JARID2: variants seen among roughly 807,000 people sequenced by gnomAD.
JARID2 encodes jumonji and AT-rich interaction domain containing 2, also known as protein Jumonji.
Under a neutral mutation model 125.6 loss-of-function variants are expected in JARID2, and 21 were observed. The ratio of observed to expected loss-of-function variants is 0.17; its 90% confidence interval spans 0.12 to 0.24. The LOEUF (loss-of-function observed/expected upper bound fraction) is 0.24. JARID2 is among the 10% of genes least tolerant of loss of function. The pLI is 1.00. For missense variants in JARID2, 1,303 were observed against 1,639.6 expected (o/e 0.79, Z 3.55); for synonymous variants, 736 against 661.6 (o/e 1.11, Z -1.73).
At position 15,507,523 on chromosome 6, in the gene JARID2, C is replaced by T. The variant is rs766422742; in HGVS notation, c.2731+107C>T. 533 of 838,218 alleles carry T rather than the reference C, an allele frequency of 6.4e-4. 2 individuals carry two copies. Among genetic ancestry groups the T allele is most frequent in the African/African-American group, 2.2e-3 (129 of 58,928 alleles). The allele number at this position is 838,218 out of a possible 1,614,324, so 51.9% of individuals were successfully genotyped here. A position where few individuals can be genotyped will look rare whatever the true frequency, so the allele number is the denominator to read the frequency against. On this transcript the variant is annotated intron_variant, in intron 11 of 17. Coordinates refer to ENST00000341776, the MANE Select transcript of JARID2 (RefSeq NM_004973.4). ...TCTAAGCACTGCCGGGGAGGGATGGCGTCTTCAGGCTTACAGGACATACAG... is the reference window on the plus strand; with the variant it reads ...TCTAAGCACTGCCGGGGAGGGATGGTGTCTTCAGGCTTACAGGACATACAG...
intron 7 of JARID2, among the ~76,000 whole-genome samples, chr6:15,500,506 A>G (rs544036858): frequency 5.3e-5 from 8 of 151,824 alleles, no homozygotes; most frequent in African/African-American, 1.4e-4. Flanking sequence ...ACCCCTACCC[A>G]CTCCTCACCA....
chr6:15,299,517 G>T (rs568978139), intron 1 of JARID2, among the ~76,000 whole-genome samples: 3 of 152,308 alleles, frequency 2.0e-5, no homozygotes, highest in African/African-American at 4.8e-5. Flanking sequence ...CTGTAGGAAG[G>T]AATTTATAGT....
chr6:15,374,589 C>T lies in JARID2; in HGVS notation c.181+337C>T, dbSNP rs75164578. ...AATGTGGAGTCTTTAGTTCTTGTCCCCGGGTTGTATAGGAAATAGCCTAAA... is the reference window on the plus strand; with the variant it reads ...AATGTGGAGTCTTTAGTTCTTGTCCTCGGGTTGTATAGGAAATAGCCTAAA... On this transcript the variant is annotated intron_variant, in intron 2 of 17. Coordinates refer to ENST00000341776, the MANE Select transcript of JARID2 (RefSeq NM_004973.4). Among the ~76,000 whole-genome samples the T allele has an allele frequency of 7.5e-3, 1,145 of 152,250 alleles. 15 individuals are homozygous for T. Among genetic ancestry groups the T allele is most frequent in the African/African-American group, 0.026 (1,085 of 41,544 alleles).
At chr6:15,392,676 G>T (rs1380008107) in intron 2 of JARID2, among the ~76,000 whole-genome samples, 1 of 134,916 alleles carries the variant, frequency 7.4e-6, no homozygotes, top group Non-Finnish European at 1.5e-5. Flanking sequence ...TTGTGATTAA[G>T]AGACTTTTTT....
intron 1 of JARID2, among the ~76,000 whole-genome samples, chr6:15,258,761 A>G (rs777274103): frequency 6.6e-6 from 1 of 152,206 alleles, no homozygotes; most frequent in African/African-American, 2.4e-5. Context: ...CAGCCTGGGC[A>G]ACAGAGTAAG....
At chr6:15,248,391 C>A (rs1373362262) in intron 1 of JARID2, 2 of 126,976 alleles carry the variant, frequency 1.6e-5, no homozygotes, top group East Asian at 2.5e-4. Flanking sequence ...GCGGGGGTGG[C>A]GCGGCCTGCG....
intron 1 of JARID2, among the ~76,000 whole-genome samples, chr6:15,299,688 G>T (rs769350635): frequency 2.6e-5 from 4 of 152,054 alleles, no homozygotes; most frequent in Admixed American, 1.3e-4. Flanking sequence ...GAGTTTGGGC[G>T]CCACACAGAT....
intron 1 of JARID2, among the ~76,000 whole-genome samples, chr6:15,268,585 A>T (rs1308729966): frequency 2.0e-5 from 3 of 152,200 alleles, no homozygotes; most frequent in Non-Finnish European, 4.4e-5. Flanking sequence ...GGGGGTGGCA[A>T]TCGCTGAAGC....
Position 15,393,853 on chromosome 6 carries a change from T to C in JARID2, c.182-16371T>C, listed in dbSNP as rs181824818. ...ACGTTAGCAGGATATAAAAGGCACA[T>C]ATTTTGAGAAAGACGCAAAACTGCT... On this transcript the variant is annotated intron_variant, in intron 2 of 17. Coordinates refer to ENST00000341776, the MANE Select transcript of JARID2 (RefSeq NM_004973.4). 3.8e-3 allele frequency among the ~76,000 whole-genome samples: 577 copies of C among 152,278 alleles called. 4 individuals are homozygous for C. Among genetic ancestry groups the C allele is most frequent in the African/African-American group, 0.013 (557 of 41,546 alleles).
At chr6:15,481,798 T>C (rs1769629174) in intron 5 of JARID2, among the ~76,000 whole-genome samples, 1 of 152,196 alleles carries the variant, frequency 6.6e-6, no homozygotes, top group Non-Finnish European at 1.5e-5. Flanking sequence ...GTTTTTAATT[T>C]CCGTATGTTT....
chr6:15,444,981 G>A (rs1229891799), intron 3 of JARID2, among the ~76,000 whole-genome samples: 2 of 151,962 alleles, frequency 1.3e-5, no homozygotes, highest in Non-Finnish European at 2.9e-5. Flanking sequence ...TGTGTGTCAC[G>A]CCATGCCCTT....
At position 15,383,856 on chromosome 6, in the gene JARID2, A is replaced by G. The variant is rs144949903; in HGVS notation, c.181+9604A>G. Among the ~76,000 whole-genome samples, 63 of 152,252 alleles carry G rather than the reference A, an allele frequency of 4.1e-4. No homozygotes were observed. The East Asian group carries it at 0.012, about 29-fold the overall frequency. On this transcript the variant is annotated intron_variant, in intron 2 of 17. Transcript: ENST00000341776. The stretch of plus-strand genomic sequence containing the variant: ...CTTGTCCAGGCTGGAGTGCAATGGC[A>G]CGACCTTGGCTCACTGCACCCTCCG...
At chr6:15,423,063 G>A (rs914904149) in intron 3 of JARID2, among the ~76,000 whole-genome samples, 4 of 149,504 alleles carry the variant, frequency 2.7e-5, no homozygotes, top group Non-Finnish European at 4.4e-5. Flanking sequence ...GCAGTGTTAC[G>A]ATATCGGCAC....
intron 1 of JARID2, among the ~76,000 whole-genome samples, chr6:15,354,616 AT>A (rs1387927185): frequency 6.6e-6 from 1 of 152,216 alleles, no homozygotes; most frequent in Non-Finnish European, 1.5e-5. Context: ...GGAAATGAGC[AT>A]GTACTTAACA....
At chr6:15,255,426 C>CT (rs1460895004) in intron 1 of JARID2, among the ~76,000 whole-genome samples, 3 of 152,050 alleles carry the variant, frequency 2.0e-5, no homozygotes, top group South Asian at 2.1e-4. Flanking sequence ...TTAACAGTAA[C>CT]TTTTTTTCGG....
intron 2 of JARID2, among the ~76,000 whole-genome samples, chr6:15,402,057 CAGAACTT>C (rs2127556710): frequency 6.6e-6 from 1 of 152,220 alleles, no homozygotes; most frequent in East Asian, 1.9e-4. Context: ...ACAAAGAAAA[CAGAACTT>C]AGAACTTCCA....
intron 3 of JARID2, among the ~76,000 whole-genome samples, chr6:15,430,764 T>C (rs538355485): frequency 6.6e-6 from 1 of 152,292 alleles, no homozygotes; most frequent in Non-Finnish European, 1.5e-5. Flanking sequence ...TTCTGCTAAC[T>C]CTTGGGGGAA....
intron 1 of JARID2, among the ~76,000 whole-genome samples, chr6:15,311,532 C>T (rs193146364): frequency 1.3e-5 from 2 of 152,270 alleles, no homozygotes; most frequent in South Asian, 4.1e-4. Flanking sequence ...GAGCCGAGAT[C>T]GCGCCATTGT....
At chr6:15,381,340 T>TC (rs1561825925) in intron 2 of JARID2, among the ~76,000 whole-genome samples, 17 of 43,778 alleles carry the variant, frequency 3.9e-4, no homozygotes, top group African/African-American at 1.7e-3. Flanking sequence ...GACTCCTGTC[T>TC]CAAAAAAAAA....
Sources: allele counts gnomAD v4.1 joint callset (sites outside exome capture counted in the v4.1 genomes callset), GRCh38; gene constraint gnomAD v4.1.1; transcripts MANE v1.5; gene names NCBI Gene and HGNC (gene_info 2026-07-23, HGNC 2026-07-21).